Variants in ITGA1 observed in about 807,000 individuals in gnomAD.
ITGA1 encodes the protein integrin alpha-1.
ITGA1 carries 85 observed loss-of-function variants against 145.9 expected under a neutral mutation model. That is an observed-to-expected ratio of 0.58 (90% CI 0.49 to 0.70). The LOEUF (loss-of-function observed/expected upper bound fraction) is 0.70, where lower values mean the gene tolerates loss of function less well. ITGA1 is among the 30% of genes least tolerant of loss of function. The pLI is 0.00. For synonymous variants in ITGA1, 520 were observed against 495.3 expected (o/e 1.05, Z -0.66); for missense variants, 1,351 against 1,418.7 (o/e 0.95, Z 0.77).
intron 1 of ITGA1, among the ~76,000 whole-genome samples, chr5:52,847,279 G>T (rs1315477454): frequency 6.6e-6 from 1 of 152,078 alleles, no homozygotes; most frequent in Non-Finnish European, 1.5e-5. Context: ...CAAGGAAAAA[G>T]CAGTTACTAT....
chr5:52,911,220 A>G lies in ITGA1; in HGVS notation c.1857+801A>G, dbSNP rs1240822699. 5.9e-5 allele frequency among the ~76,000 whole-genome samples: 8 copies of G among 136,410 alleles called. No homozygotes were observed. In the Admixed American group the frequency reaches 6.1e-4, roughly 10 times the overall value. 89.5% of individuals were successfully genotyped at this position (136,410 alleles called of 152,430 possible). On this transcript the variant is annotated intron_variant, in intron 14 of 28. Coordinates refer to ENST00000282588, the MANE Select transcript of ITGA1 (RefSeq NM_181501.2). ...ATAGTATATATAATATATAGTGTAT[A>G]TATAGTATATGTAGTGTATATATAG...
chr5:52,808,672 C>CTTTTTTTT (rs1440077635), intron 1 of ITGA1, among the ~76,000 whole-genome samples: 1 of 42,342 alleles, frequency 2.4e-5, no homozygotes, highest in Non-Finnish European at 4.9e-5. Context: ...TTCTTTCTTT[C>CTTTTTTTT]TTTCTTTTTT....
In ITGA1 at chr5:52,904,156, T is replaced by C. The variant is rs538875139; in HGVS notation, c.1310-1607T>C. On this transcript the variant is annotated intron_variant, in intron 11 of 28. Coordinates refer to ENST00000282588, the MANE Select transcript of ITGA1 (RefSeq NM_181501.2). ...ACCGTGGAGCTGGACAGAGGGTTTA[T>C]GGCCCCAAAAGAGTGCTGAAAGTTT... 2.0e-5 allele frequency: 3 copies of C among 152,478 alleles called. No individual in the cohort carries two copies. In the South Asian group the frequency reaches 6.2e-4, roughly 32 times the overall value. 9.4% of individuals were successfully genotyped at this position (152,478 alleles called of 1,614,324 possible).
At chr5:52,890,249 T>A (rs1750125179) in intron 8 of ITGA1, among the ~76,000 whole-genome samples, 1 of 152,174 alleles carries the variant, frequency 6.6e-6, no homozygotes, top group African/African-American at 2.4e-5. Context: ...TAGGCACCCA[T>A]ACATATCCAA....
intron 21 of ITGA1, chr5:52,931,776 G>A (rs755859812): frequency 3.9e-6 from 1 of 255,804 alleles, no homozygotes. Flanking sequence ...TTAAACTGAG[G>A]GATTCTTATC....
At chr5:52,872,766 T>A (rs1285725818) in intron 6 of ITGA1, among the ~76,000 whole-genome samples, 1 of 152,016 alleles carries the variant, frequency 6.6e-6, no homozygotes, top group African/African-American at 2.4e-5. Flanking sequence ...GCTTTTCCTG[T>A]GATTCCCTGC....
At chr5:52,904,807 C>A (rs1356312269) in intron 11 of ITGA1, 1 of 149,270 alleles carries the variant, frequency 6.7e-6, no homozygotes, top group Non-Finnish European at 1.5e-5. Flanking sequence ...GAGCCGAGAT[C>A]GCGCCACTGC....
At chr5:52,806,128 G>A (rs111903891) in intron 1 of ITGA1, among the ~76,000 whole-genome samples, 8 of 151,958 alleles carry the variant, frequency 5.3e-5, no homozygotes, top group African/African-American at 1.9e-4. Flanking sequence ...TACTCTAAGA[G>A]ATTCAGTATT....
chr5:52,911,131 T>G (rs570639282), intron 14 of ITGA1, among the ~76,000 whole-genome samples: 7 of 136,166 alleles, frequency 5.1e-5, no homozygotes, highest in African/African-American at 1.3e-4. Context: ...TATATATAGT[T>G]TATATATTGT....
chr5:52,810,344 G>T (rs1748665904), intron 1 of ITGA1, among the ~76,000 whole-genome samples: 1 of 152,184 alleles, frequency 6.6e-6, no homozygotes, highest in South Asian at 2.1e-4. Flanking sequence ...GACCCACCGG[G>T]GTCTTTTCTA....
At chr5:52,839,410 A>G (rs1749217274) in intron 1 of ITGA1, among the ~76,000 whole-genome samples, 1 of 152,196 alleles carries the variant, frequency 6.6e-6, no homozygotes, top group Non-Finnish European at 1.5e-5. Context: ...AAATTGCACT[A>G]TTAGGGAAAG....
chr5:52,794,616 T>A (rs1748304410), intron 1 of ITGA1, among the ~76,000 whole-genome samples: 1 of 150,432 alleles, frequency 6.6e-6, no homozygotes. Flanking sequence ...CTTTCCATCA[T>A]GAGAAATTTA....
Position 52,809,653 on chromosome 5 carries a change from G to A in ITGA1, c.61+21239G>A, listed in dbSNP as rs950443686. ...CCCAGTAGCTGGGGATTACAGGTGCGTGCCACCACACCCAGCTAATTGTCA... is the reference window on the plus strand; with the variant it reads ...CCCAGTAGCTGGGGATTACAGGTGCATGCCACCACACCCAGCTAATTGTCA... On this transcript the variant is annotated intron_variant, in intron 1 of 28. Transcript: ENST00000282588. Among the ~76,000 whole-genome samples, 7 of 151,804 alleles carry A rather than the reference G, an allele frequency of 4.6e-5. No individual in the cohort carries two copies. In the East Asian group the frequency reaches 7.7e-4, roughly 17 times the overall value.
At chr5:52,827,313 T>G (rs140659935) in intron 1 of ITGA1, among the ~76,000 whole-genome samples, 53 of 152,274 alleles carry the variant, frequency 3.5e-4, no homozygotes, top group Admixed American at 2.0e-3. Flanking sequence ...AAAACTTTAG[T>G]GGATGAGTTG....
intron 5 of ITGA1, among the ~76,000 whole-genome samples, 185 bp downstream of exon 5, chr5:52,865,267 T>C (rs1749669249): frequency 6.6e-6 from 1 of 152,244 alleles, no homozygotes. Flanking sequence ...GAATTGATAT[T>C]AGTGTAAATA....
intron 6 of ITGA1, among the ~76,000 whole-genome samples, chr5:52,874,898 T>C (rs1479237167): frequency 6.6e-6 from 1 of 152,214 alleles, no homozygotes; most frequent in African/African-American, 2.4e-5. Flanking sequence ...AGTCTTACTG[T>C]TGTAGAACAT....
At position 52,881,924 on chromosome 5, in the gene ITGA1, A is replaced by G. The variant is rs1749967263; in HGVS notation, c.676A>G (p.Lys226Glu). The G allele has an allele frequency of 1.2e-6, 2 of 1,613,976 alleles. No homozygotes were observed. The highest frequency in any genetic ancestry group is 1.7e-6 in the Non-Finnish European group (2 of 1,179,894). Residue 226 changes from lysine to glutamate, a missense_variant, in exon 7 of 29, where the codon AAG (lysine) becomes GAG (glutamate). Transcript: ENST00000282588. ...ENVTHEFNLN[K>E]YSSTEEVLVA... ...CGTGACCCATGAGTTCAACCTCAAT[A>G]AGTATTCTTCCACCGAAGAGGTACT...
Position 52,918,713 on chromosome 5 carries a change from C to T in ITGA1, c.1989-19C>T. On this transcript the variant is annotated intron_variant, in intron 15 of 28. Transcript: ENST00000282588. ...TAAATGTAAAAATGTGTGAGTAATC[C>T]CATTGTTTTTGTTTGTAGGTCCCGA... The T allele has an allele frequency of 6.3e-7, 1 of 1,593,764 alleles. No homozygotes were observed. The highest frequency in any genetic ancestry group is 8.5e-7 in the Non-Finnish European group (1 of 1,172,696).
At chr5:52,924,645 G>C (rs1041243985) in intron 18 of ITGA1, among the ~76,000 whole-genome samples, 1 of 152,204 alleles carries the variant, frequency 6.6e-6, no homozygotes. Context: ...TGGTTGGAGG[G>C]AAACAGGTGG....
Sources: gnomAD v4.1 joint callset for allele counts (sites outside exome capture counted in the v4.1 genomes callset) on GRCh38, gnomAD v4.1.1 for gene constraint, MANE v1.5 for transcripts, NCBI Gene and HGNC (gene_info 2026-07-23, HGNC 2026-07-21) for gene names.